The following RARB variants were observed in gnomAD, a reference collection of about 807,000 sequenced individuals.
RARB encodes HBV-activated protein.
A neutral mutation model predicts 51.9 loss-of-function variants in RARB; 17 were observed. The ratio of observed to expected loss-of-function variants is 0.33; its 90% CI spans 0.22 to 0.49. The LOEUF (loss-of-function observed/expected upper bound fraction) is 0.49. Ranked by LOEUF, RARB falls within the 20% of genes least tolerant of loss-of-function variation. The pLI is 0.99. For missense variants in RARB, 369 were observed against 550.8 expected (o/e 0.67, Z 3.30); for synonymous variants, 215 against 195.4 (o/e 1.10, Z -0.84).
rs115692595 is a variant in RARB, at chr3:24,841,209, C to T, written c.-459+11806C>T. On this transcript the variant is annotated intron_variant, in intron 1 of 11. Coordinates refer to the RARB transcript ENST00000383772. ...TTCAACAATTCCATGGACGTTTTCC[C>T]ATTTTTCCCACCTAAGGTGTTATCT... 3.5e-3 allele frequency among the ~76,000 whole-genome samples: 534 copies of T among 152,288 alleles called. 3 individuals carry two copies. The highest frequency in any genetic ancestry group is 0.012 in the African/African-American group (513 of 41,574).
chr3:25,417,093 G>C (rs1707724307), intron 5 of RARB, among the ~76,000 whole-genome samples: 1 of 151,952 alleles, frequency 6.6e-6, no homozygotes. Flanking sequence ...GCCTAAGCCT[G>C]GAACTGAGCC....
chr3:24,915,731 T>G (rs1695094302), intron 2 of RARB, among the ~76,000 whole-genome samples: 1 of 152,184 alleles, frequency 6.6e-6, no homozygotes, highest in African/African-American at 2.4e-5. Context: ...GAGGTGACTT[T>G]TAGCCATGGT....
At chr3:25,035,914 C>T (rs1019783010) in intron 2 of RARB, among the ~76,000 whole-genome samples, 2 of 152,088 alleles carry the variant, frequency 1.3e-5, no homozygotes, top group South Asian at 2.1e-4. Flanking sequence ...GTTATACACT[C>T]GGTAACTAAA....
intron 5 of RARB, among the ~76,000 whole-genome samples, chr3:25,419,451 G>T (rs1456859617): frequency 1.3e-5 from 2 of 152,110 alleles, no homozygotes; most frequent in Admixed American, 1.3e-4. Context: ...GCCCAAACTT[G>T]GGCCTCCTCA....
chr3:25,030,671 A>G (rs754355779), intron 2 of RARB, among the ~76,000 whole-genome samples: 1 of 152,176 alleles, frequency 6.6e-6, no homozygotes, highest in African/African-American at 2.4e-5. Context: ...TTGTCATACA[A>G]TTTTGAGGAA....
chr3:25,169,585 A>G (rs1700609901), intron 4 of RARB, among the ~76,000 whole-genome samples: 1 of 152,242 alleles, frequency 6.6e-6, no homozygotes, highest in Non-Finnish European at 1.5e-5. Flanking sequence ...AATGATTTTT[A>G]TTTTTAAAAT....
intron 1 of RARB, among the ~76,000 whole-genome samples, chr3:24,848,492 C>T (rs962319593): frequency 1.3e-5 from 2 of 152,136 alleles, no homozygotes; most frequent in African/African-American, 4.8e-5. Flanking sequence ...CTTCTCAGTT[C>T]CTGCCTAAGT....
intron 5 of RARB, among the ~76,000 whole-genome samples, chr3:25,196,663 T>C (rs1331174953): frequency 2.0e-5 from 3 of 152,178 alleles, no homozygotes; most frequent in South Asian, 4.1e-4. Flanking sequence ...TCCACAATGG[T>C]TGAACTAGTT....
intron 5 of RARB, among the ~76,000 whole-genome samples, chr3:25,337,885 A>C (rs1705110646): frequency 1.3e-5 from 2 of 152,154 alleles, no homozygotes; most frequent in Non-Finnish European, 2.9e-5. Context: ...GATACTCAAT[A>C]AATATTTGTT....
chr3:25,500,107 G>C (rs1348502462), intron 2 of RARB, among the ~76,000 whole-genome samples: 1 of 152,216 alleles, frequency 6.6e-6, no homozygotes, highest in East Asian at 1.9e-4. Flanking sequence ...AAAATATTTT[G>C]TATATGTGGT....
At chr3:25,341,714 G>A (rs1705233350) in intron 5 of RARB, among the ~76,000 whole-genome samples, 1 of 152,068 alleles carries the variant, frequency 6.6e-6, no homozygotes, top group Admixed American at 6.6e-5. Context: ...AAAGCCACCG[G>A]TATCTAGTGG....
chr3:25,327,895 G>C (rs1390211897), intron 5 of RARB, among the ~76,000 whole-genome samples: 1 of 152,162 alleles, frequency 6.6e-6, no homozygotes, highest in Non-Finnish European at 1.5e-5. Flanking sequence ...GTATAAGCAA[G>C]TTTAAAAAGA....
chr3:24,924,289 T>C (rs911164358), intron 2 of RARB, among the ~76,000 whole-genome samples: 16 of 152,200 alleles, frequency 1.1e-4, no homozygotes, highest in Admixed American at 1.0e-3. Context: ...CTATATTCTT[T>C]AGCTCAGCTG....
At chr3:25,119,733 C>A (rs941937550) in intron 3 of RARB, among the ~76,000 whole-genome samples, 1 of 151,662 alleles carries the variant, frequency 6.6e-6, no homozygotes. Flanking sequence ...ATTTGAAAAC[C>A]TACTCATTTG....
At chr3:25,514,396 G>A (rs1698055848) in intron 3 of RARB, among the ~76,000 whole-genome samples, 1 of 152,064 alleles carries the variant, frequency 6.6e-6, no homozygotes, top group South Asian at 2.1e-4. Flanking sequence ...TTAGTACTGG[G>A]ACCAAGCAAA....
chr3:25,139,944 G>A (rs760167220), intron 4 of RARB, among the ~76,000 whole-genome samples: 83 of 152,168 alleles, frequency 5.5e-4, no homozygotes, highest in Non-Finnish European at 2.2e-4. Flanking sequence ...GTGGATGACA[G>A]CACATCTGTT....
intron 5 of RARB, among the ~76,000 whole-genome samples, chr3:25,390,625 A>G (rs752103224): frequency 1.8e-4 from 27 of 152,342 alleles, no homozygotes; most frequent in Non-Finnish European, 2.6e-4. Context: ...TATGTAGTGG[A>G]AATCTATTCA....
intron 2 of RARB, among the ~76,000 whole-genome samples, chr3:25,494,496 C>T (rs989094732): frequency 2.0e-5 from 3 of 152,176 alleles, no homozygotes; most frequent in Non-Finnish European, 4.4e-5. Context: ...TTTTATGTGT[C>T]TGCAATATGT....
intron 5 of RARB, among the ~76,000 whole-genome samples, chr3:25,362,806 T>C (rs1436878638): frequency 6.6e-6 from 1 of 152,170 alleles, no homozygotes; most frequent in Non-Finnish European, 1.5e-5. Flanking sequence ...CTACACCCAC[T>C]GTCTAACCAG....
Sources: gnomAD v4.1 joint callset for allele counts (sites outside exome capture counted in the v4.1 genomes callset) on GRCh38, gnomAD v4.1.1 for gene constraint, MANE v1.5 for transcripts, NCBI Gene and HGNC (gene_info 2026-07-23, HGNC 2026-07-21) for gene names.